The following MCTP1 variants were observed in gnomAD, a reference collection of about 807,000 sequenced individuals.
MCTP1 encodes multiple C2 and transmembrane domain containing 1.
MCTP1 carries 69 observed loss-of-function variants against 120.6 expected under a neutral mutation model. The observed-to-expected ratio is 0.57, with a 90% CI of 0.47 to 0.70. The LOEUF (loss-of-function observed/expected upper bound fraction) is 0.70. Among genes scored for constraint, MCTP1 ranks in the 30% least tolerant of loss-of-function variants. MCTP1 has a pLI of 0.00. For synonymous variants in MCTP1, 529 were observed against 493.1 expected (o/e 1.07, Z -0.96); for missense variants, 1,203 against 1,248.8 (o/e 0.96, Z 0.55).
intron 1 of MCTP1, among the ~76,000 whole-genome samples, chr5:95,065,798 G>T (rs965250734): frequency 1.3e-5 from 2 of 152,120 alleles, no homozygotes; most frequent in East Asian, 3.8e-4. Flanking sequence ...CTGGGAAATT[G>T]AGTATCCACA....
chr5:95,003,965 G>A (rs552033934), intron 2 of MCTP1, among the ~76,000 whole-genome samples: 1 of 152,290 alleles, frequency 6.6e-6, no homozygotes, highest in African/African-American at 2.4e-5. Context: ...ATGAGGAAAA[G>A]TTTGGAACCT....
chr5:95,277,780 T>C (rs953974047), intron 1 of MCTP1, among the ~76,000 whole-genome samples: 2 of 152,200 alleles, frequency 1.3e-5, no homozygotes, highest in Non-Finnish European at 2.9e-5. Flanking sequence ...CACTTGTCTA[T>C]ATTTGTTGTA....
At chr5:95,095,492 C>T (rs1299797255) in intron 1 of MCTP1, among the ~76,000 whole-genome samples, 1 of 152,172 alleles carries the variant, frequency 6.6e-6, no homozygotes, top group African/African-American at 2.4e-5. Flanking sequence ...AAGAACAGAG[C>T]AGCAGGGTCA....
Position 95,017,355 on chromosome 5 carries a change from T to C in MCTP1, c.838+12A>G. ...AAAAAGCTTCTAGGTGATATTGCTC[T>C]TATGCTCTTACCTCCTCGATCTCGA... is the stretch of plus-strand genomic sequence containing the variant. On this transcript the variant is annotated intron_variant, in intron 2 of 22. Coordinates refer to ENST00000515393, the MANE Select transcript of MCTP1 (RefSeq NM_024717.7). The C allele has an allele frequency of 6.4e-7, 1 of 1,560,746 alleles. No individual in the cohort carries two copies. Among genetic ancestry groups the C allele is most frequent in the Non-Finnish European group, 8.8e-7 (1 of 1,138,534 alleles).
At chr5:95,024,756 A>T (rs1176076673) in intron 1 of MCTP1, among the ~76,000 whole-genome samples, 1 of 152,132 alleles carries the variant, frequency 6.6e-6, no homozygotes, top group Non-Finnish European at 1.5e-5. Flanking sequence ...AACTTACAAA[A>T]ACCAGTGGTA....
intron 1 of MCTP1, among the ~76,000 whole-genome samples, chr5:95,037,178 T>A (rs1315414114): frequency 6.6e-6 from 1 of 152,192 alleles, no homozygotes; most frequent in African/African-American, 2.4e-5. Context: ...GGAATGATCA[T>A]ACACCTAGAC....
intron 17 of MCTP1, among the ~76,000 whole-genome samples, chr5:94,855,971 C>T (rs1794658366): frequency 6.6e-6 from 1 of 151,668 alleles, no homozygotes; most frequent in Non-Finnish European, 1.5e-5. Context: ...CACTAAATCT[C>T]TCAATATTTT....
intron 1 of MCTP1, among the ~76,000 whole-genome samples, chr5:95,021,390 A>C (rs1000558821): frequency 7.2e-5 from 11 of 152,092 alleles, no homozygotes; most frequent in Non-Finnish European, 1.5e-4. Context: ...TTTGAACTGC[A>C]TTGAGTTTCT....
At position 94,705,822 on chromosome 5, in the gene MCTP1, A is replaced by G. The variant is rs1305929013; in HGVS notation, c.*1674T>C. The G allele has an allele frequency of 2.0e-5, 3 of 151,686 alleles. No homozygotes were observed. The highest frequency in any genetic ancestry group is 4.4e-5 in the Non-Finnish European group (3 of 67,738). 9.4% of individuals were successfully genotyped at this position (151,686 alleles called of 1,614,324 possible). Reference sequence around the variant, plus strand: ...TGTAGTAACATCATGTTCATGGAACATTATGTTTTTAGCAACAAACAGTGA... The same window carrying G: ...TGTAGTAACATCATGTTCATGGAACGTTATGTTTTTAGCAACAAACAGTGA... On this transcript the variant is annotated 3_prime_UTR_variant, in exon 23 of 23. Transcript: ENST00000515393.
rs35398709 is a variant in MCTP1, at chr5:94,781,132, A to AT, written c.2557-1970dup. ...ATTATCTTTTAGATTTAAATGAAGT[A>AT]TTTTTTTTTTTTTTGCTGAAATTAC... is the stretch of plus-strand genomic sequence containing the variant. On this transcript the variant is annotated intron_variant, in intron 18 of 22. Coordinates refer to ENST00000515393, the MANE Select transcript of MCTP1 (RefSeq NM_024717.7). 9.1e-4 allele frequency among the ~76,000 whole-genome samples: 134 copies of AT among 147,300 alleles called. 1 individual carries two copies. The highest frequency in any genetic ancestry group is 2.2e-3 in the African/African-American group (88 of 40,314).
At chr5:95,258,846 A>G (rs1430954952) in intron 1 of MCTP1, among the ~76,000 whole-genome samples, 1 of 152,236 alleles carries the variant, frequency 6.6e-6, no homozygotes, top group Non-Finnish European at 1.5e-5. Context: ...CTACATACAG[A>G]ACTGGGGGAT....
chr5:95,007,789 T>A (rs1045020486), intron 2 of MCTP1, among the ~76,000 whole-genome samples: 4 of 152,226 alleles, frequency 2.6e-5, no homozygotes, highest in Non-Finnish European at 5.9e-5. Context: ...CCCAGGCTTT[T>A]ACATTCTTAT....
chr5:95,021,252 G>T (rs1240484766), intron 1 of MCTP1, among the ~76,000 whole-genome samples: 1 of 151,960 alleles, frequency 6.6e-6, no homozygotes, highest in Non-Finnish European at 1.5e-5. Flanking sequence ...TGCCTGGCTG[G>T]TTTGTTATTT....
intron 1 of MCTP1, among the ~76,000 whole-genome samples, chr5:95,190,863 A>T (rs552832767): frequency 1.3e-5 from 2 of 152,072 alleles, no homozygotes; most frequent in African/African-American, 4.8e-5. Context: ...GAACAACCCA[A>T]AATGAAACTA....
intron 10 of MCTP1, among the ~76,000 whole-genome samples, chr5:94,898,580 T>A (rs917782579): frequency 2.6e-5 from 4 of 152,212 alleles, no homozygotes; most frequent in Non-Finnish European, 4.4e-5. Context: ...TACTGTTATG[T>A]CCTGAACAAA....
intron 22 of MCTP1, among the ~76,000 whole-genome samples, chr5:94,707,903 A>C (rs7718956): frequency 0.28 from 41,696 of 151,362 alleles, 6,320 homozygotes; most frequent in East Asian, 0.67. Flanking sequence ...ATACAGTCTT[A>C]ATCTCCATCC....
chr5:95,149,983 A>G (rs1358404137), intron 1 of MCTP1, among the ~76,000 whole-genome samples: 1 of 151,920 alleles, frequency 6.6e-6, no homozygotes, highest in Non-Finnish European at 1.5e-5. Flanking sequence ...TCTGTTCTCC[A>G]TGTGTCCCTT....
chr5:94,706,516 T>C lies in MCTP1; in HGVS notation c.*980A>G, dbSNP rs1456661280. ...CACACTGAATTCTCTACATTAAAAT[T>C]CACACTAATAACAAAATCATAGTAT... On this transcript the variant is annotated 3_prime_UTR_variant, in exon 23 of 23. Coordinates refer to ENST00000515393, the MANE Select transcript of MCTP1 (RefSeq NM_024717.7). 6.6e-6 allele frequency: 1 copy of C among 151,392 alleles called. No homozygotes were observed. Among genetic ancestry groups the C allele is most frequent in the African/African-American group, 2.4e-5 (1 of 41,306 alleles). The allele number at this position is 151,392 out of a possible 1,614,324, so 9.4% of individuals were successfully genotyped here.
intron 1 of MCTP1, among the ~76,000 whole-genome samples, chr5:95,085,114 T>C (rs1755327930): frequency 6.6e-6 from 1 of 152,122 alleles, no homozygotes; most frequent in African/African-American, 2.4e-5. Flanking sequence ...ATGCCAAATT[T>C]GATTCTGATT....
Sources: allele counts gnomAD v4.1 joint callset (sites outside exome capture counted in the v4.1 genomes callset), GRCh38; gene constraint gnomAD v4.1.1; transcripts MANE v1.5; gene names NCBI Gene and HGNC (gene_info 2026-07-23, HGNC 2026-07-21).